Variants in TSGA10IP observed in about 807,000 individuals in gnomAD.
TSGA10IP encodes testis-specific protein 10-interacting protein.
A neutral mutation model predicts 63.2 loss-of-function variants in TSGA10IP; 64 were observed. That is an observed-to-expected ratio of 1.01 (90% CI 0.83 to 1.25). The LOEUF is 1.25. Among genes scored for constraint, TSGA10IP ranks in the 50% most tolerant of loss-of-function variants. The probability of loss-of-function intolerance (pLI) is 0.00; values close to 1 mark genes in which losing one functional copy is unlikely to be tolerated. For synonymous variants in TSGA10IP, 316 were observed against 298.3 expected (o/e 1.06, Z -0.61); for missense variants, 681 against 710.1 (o/e 0.96, Z 0.47).
Position 65,958,879 on chromosome 11 carries a change from G to C in TSGA10IP, c.1323-4G>C. The C allele has an allele frequency of 1.2e-6, 2 of 1,611,336 alleles. No individual in the cohort carries two copies. The highest frequency in any genetic ancestry group is 1.3e-5 in the African/African-American group (1 of 75,022). On this transcript the variant is annotated splice_polypyrimidine_tract_variant and splice_region_variant and intron_variant, in intron 5 of 7. Coordinates refer to ENST00000532620, the Ensembl canonical transcript of TSGA10IP. ...AGCTGCACAAAGGCCTGTCTCCCCT[G>C]CAGGCGCCAGGAGCGACAGCGCTTT... is the stretch of plus-strand genomic sequence containing the variant.
intron 5 of TSGA10IP, among the ~76,000 whole-genome samples, chr11:65,954,352 T>A (rs1854991438): frequency 6.6e-6 from 1 of 151,288 alleles, no homozygotes; most frequent in Non-Finnish European, 1.5e-5. Context: ...TTTTTTGTAT[T>A]TTTAGTAGAG....
chr11:65,948,028 T>C (rs1176028005), exon 4 of TSGA10IP: 1 of 1,565,554 alleles, frequency 6.4e-7, no homozygotes, highest in East Asian at 2.4e-5. Context: ...TGGAAGACTT[T>C]GAGGGCTGCC....
rs997529108 is a variant in TSGA10IP at position 65,950,856 on chromosome 11, C to G, written c.1151+2708C>G. Reference sequence around the variant, plus strand: ...GGATTACAGGCGTGAGCCACCACACCTGGCTGCTGGCTAATTTTTAAAATT... The same window carrying G: ...GGATTACAGGCGTGAGCCACCACACGTGGCTGCTGGCTAATTTTTAAAATT... On this transcript the variant is annotated intron_variant, in intron 4 of 7. Coordinates refer to ENST00000532620, the Ensembl canonical transcript of TSGA10IP. 3.3e-5 allele frequency among the ~76,000 whole-genome samples: 5 copies of G among 152,180 alleles called. No homozygotes were observed. In the East Asian group the frequency reaches 9.6e-4, roughly 29 times the overall value.
At chr11:65,954,818 C>CA (rs35841625) in intron 5 of TSGA10IP, among the ~76,000 whole-genome samples, 5,983 of 72,632 alleles carry the variant, frequency 0.082, 408 homozygotes, top group African/African-American at 0.22. Context: ...AACTCCATCT[C>CA]AAAAAAAAAA....
At chr11:65,952,089 A>G (rs1350492036) in intron 4 of TSGA10IP, among the ~76,000 whole-genome samples, 3 of 152,074 alleles carry the variant, frequency 2.0e-5, no homozygotes, top group Non-Finnish European at 4.4e-5. Context: ...CCAGACCTCA[A>G]ATGATCTGCC....
intron 5 of TSGA10IP, among the ~76,000 whole-genome samples, chr11:65,954,762 G>A (rs1485996380): frequency 6.7e-6 from 1 of 149,816 alleles, no homozygotes; most frequent in Non-Finnish European, 1.5e-5. Context: ...AGGTTGCAGT[G>A]AGCCGAAATT....
At chr11:65,956,204 C>T (rs192013545) in intron 5 of TSGA10IP, among the ~76,000 whole-genome samples, 27 of 149,236 alleles carry the variant, frequency 1.8e-4, no homozygotes, top group African/African-American at 6.3e-4. Context: ...ATGGCGCGAT[C>T]TCGGCTCACC....
chr11:65,945,729 G>T (rs369328949), exon 1 of TSGA10IP: 1 of 1,610,672 alleles, frequency 6.2e-7, no homozygotes, highest in African/African-American at 1.4e-5. Context: ...TTAGGACCCC[G>T]TCGGTGCGAC....
intron 5 of TSGA10IP, among the ~76,000 whole-genome samples, chr11:65,956,247 C>T (rs1855023097): frequency 6.6e-6 from 1 of 151,574 alleles, no homozygotes; most frequent in Non-Finnish European, 1.5e-5. Flanking sequence ...AAGCAATTCT[C>T]CTGCCTCAGC....
At chr11:65,953,450 C>G in intron 4 of TSGA10IP, 117 bp from the exon 5 acceptor site, 3 of 1,366,430 alleles carry the variant, frequency 2.2e-6, no homozygotes, top group African/African-American at 3.0e-5. Flanking sequence ...AGGACACTGG[C>G]TCTGGACACT....
At chr11:65,947,239 C>G (rs768221485) in exon 3 of TSGA10IP, 3 of 1,610,088 alleles carry the variant, frequency 1.9e-6, no homozygotes, top group Non-Finnish European at 2.5e-6. Flanking sequence ...TGCCCATGCC[C>G]TCCTCGTTCT....
exon 3 of TSGA10IP, chr11:65,947,269 C>T: frequency 6.2e-7 from 1 of 1,611,892 alleles, no homozygotes; most frequent in Non-Finnish European, 8.5e-7. Flanking sequence ...AGTCCAGGCG[C>T]AAGTCCACGG....
intron 4 of TSGA10IP, among the ~76,000 whole-genome samples, chr11:65,949,805 T>A (rs1187602514): frequency 6.6e-6 from 1 of 151,996 alleles, no homozygotes; most frequent in African/African-American, 2.4e-5. Context: ...TATGTTTATA[T>A]TGTTGAAGGT....
exon 3 of TSGA10IP, chr11:65,947,184 G>C (rs766653217): frequency 3.7e-6 from 6 of 1,608,922 alleles, no homozygotes; most frequent in East Asian, 4.5e-5. Context: ...ACAGATGTCC[G>C]GGCTGTGCTT....
chr11:65,953,537 C>G, intron 4 of TSGA10IP, 30 bp from the exon 5 acceptor site: 1 of 1,524,136 alleles, frequency 6.6e-7, no homozygotes, highest in Non-Finnish European at 8.8e-7. Flanking sequence ...GCCCGTGAAC[C>G]TCTCATTCCC....
chr11:65,947,509 T>C (rs748195583), exon 3 of TSGA10IP: 2 of 1,612,002 alleles, frequency 1.2e-6, no homozygotes, highest in East Asian at 4.5e-5. Context: ...CCGAGAGGGG[T>C]CTGAGTTCTG....
rs1855086900 is a variant in TSGA10IP at position 65,959,857 on chromosome 11, C to T, written c.1588C>T (p.Gln530Ter). The T allele has an allele frequency of 6.3e-7, 1 of 1,594,882 alleles. No homozygotes were observed. Among genetic ancestry groups the T allele is most frequent in the Non-Finnish European group, 8.5e-7 (1 of 1,171,302 alleles). Reference sequence around the variant, plus strand: ...GGGGGTGAGAATGGAGCACTCTCCTCAGAGGCCCCCAAGGACAGAACCCAC... The same window carrying T: ...GGGGGTGAGAATGGAGCACTCTCCTTAGAGGCCCCCAAGGACAGAACCCAC... Residue 530 changes from glutamine to a stop codon, truncating the protein, a stop_gained, in exon 8 of 8, where the codon CAG becomes TAG. Transcript: ENST00000532620. LOFTEE classifies it low-confidence loss of function (END_TRUNC).
chr11:65,947,835 G>GTGGGGCTCAGAGCC lies in TSGA10IP; in HGVS notation c.1003+11_1003+24dup. 1 of 1,540,870 alleles carries GTGGGGCTCAGAGCC rather than the reference G, an allele frequency of 6.5e-7. No homozygotes were observed. Among genetic ancestry groups the GTGGGGCTCAGAGCC allele is most frequent in the East Asian group, 2.4e-5 (1 of 41,148 alleles). On this transcript the variant is annotated splice_region_variant and intron_variant, in intron 3 of 7. Transcript: ENST00000532620. ...CAGAGAGACCTGGACTGTGGTGAGC[G>GTGGGGCTCAGAGCC]TGGGGCTCAGAGCCTGGATTCCCCC...
chr11:65,959,237 A>C, exon 7 of TSGA10IP: 1 of 1,609,232 alleles, frequency 6.2e-7, no homozygotes, highest in Non-Finnish European at 8.5e-7. Context: ...AGGTGCTGTC[A>C]GCACTGGGGC....
Sources: gnomAD v4.1 joint callset for allele counts (sites outside exome capture counted in the v4.1 genomes callset) on GRCh38, gnomAD v4.1.1 for gene constraint, MANE v1.5 for transcripts, NCBI Gene and HGNC (gene_info 2026-07-23, HGNC 2026-07-21) for gene names.